MOSMO: variants seen among roughly 807,000 people sequenced by gnomAD.
The protein encoded by MOSMO is modulator of smoothened, also known as modulator of smoothened protein.
MOSMO carries 5 observed loss-of-function variants against 18.4 expected under a neutral mutation model. That is an observed-to-expected ratio of 0.27 (90% confidence interval 0.14 to 0.57). The LOEUF (loss-of-function observed/expected upper bound fraction) is 0.57. MOSMO is among the 20% of genes least tolerant of loss of function. The probability of loss-of-function intolerance (pLI) is 0.92; values close to 1 mark genes in which losing one functional copy is unlikely to be tolerated. For missense variants in MOSMO, 138 were observed against 211.8 expected, an observed-to-expected ratio of 0.65 and a Z score of 2.16; for synonymous variants, 82 against 82.3, an observed-to-expected ratio of 1.00 and a Z score of 0.02.
intron 1 of MOSMO, among the ~76,000 whole-genome samples, chr16:22,023,423 T>G (rs1475194606): frequency 6.6e-6 from 1 of 152,210 alleles, no homozygotes. Context: ...TATTGAAGAT[T>G]TAATTATCCT....
At chr16:22,030,605 C>T (rs1050152626) in intron 1 of MOSMO, among the ~76,000 whole-genome samples, 1 of 152,156 alleles carries the variant, frequency 6.6e-6, no homozygotes, top group African/African-American at 2.4e-5. Context: ...GGCGCAATCT[C>T]GGCTCACTGC....
rs748249457 is a variant in MOSMO at position 22,080,903 on chromosome 16, CTT to C, written c.*24_*25del. On this transcript the variant is annotated 3_prime_UTR_variant, in exon 3 of 3. Transcript: ENST00000542527. ...TGATGAATGTCTAAATTGCTTGACT[CTT>C]ATTATTTTTTATTTTATTTTATTTT... 2.5e-6 allele frequency: 3 copies of C among 1,178,162 alleles called. No individual in the cohort carries two copies. Among genetic ancestry groups the C allele is most frequent in the Non-Finnish European group, 3.3e-6 (3 of 910,622 alleles). The allele number at this position is 1,178,162 out of a possible 1,614,324, so 73.0% of individuals were successfully genotyped here.
At chr16:22,091,295 T>C (rs1901316313), downstream of MOSMO, among the ~76,000 whole-genome samples, 1 of 152,166 alleles carries the variant, frequency 6.6e-6, no homozygotes, top group African/African-American at 2.4e-5. Context: ...TTTGAGCACG[T>C]TGGTTGTTTC....
downstream of MOSMO, chr16:22,087,603 T>C (rs532174196): frequency 1.3e-5 from 2 of 152,344 alleles, no homozygotes; most frequent in South Asian, 4.1e-4. Context: ...CTTTCCATTT[T>C]CCATAATAAA....
At chr16:22,070,765 G>GA (rs1233233276) in intron 1 of MOSMO, among the ~76,000 whole-genome samples, 1 of 152,086 alleles carries the variant, frequency 6.6e-6, no homozygotes, top group Non-Finnish European at 1.5e-5. Context: ...GTTTCTAGAG[G>GA]AAAAAATTAG....
chr16:22,040,182 C>T (rs1900183650), intron 1 of MOSMO, among the ~76,000 whole-genome samples: 1 of 152,146 alleles, frequency 6.6e-6, no homozygotes. Flanking sequence ...AAACCAAATA[C>T]ATCATGTTCT....
At chr16:22,087,959 C>A (rs753855101), downstream of MOSMO, among the ~76,000 whole-genome samples, 4 of 151,978 alleles carry the variant, frequency 2.6e-5, no homozygotes, top group African/African-American at 4.8e-5. Context: ...CCATTGTTAA[C>A]AGTTTATTGG....
chr16:22,011,151 G>A (rs1423764076), intron 1 of MOSMO, among the ~76,000 whole-genome samples: 5 of 152,264 alleles, frequency 3.3e-5, no homozygotes, highest in Non-Finnish European at 5.9e-5. Flanking sequence ...GCACTGATGC[G>A]TCGTGGAAGT....
chr16:22,018,531 A>T (rs1438001634), intron 1 of MOSMO, among the ~76,000 whole-genome samples: 1 of 152,232 alleles, frequency 6.6e-6, no homozygotes, highest in Non-Finnish European at 1.5e-5. Flanking sequence ...AATATTTTAA[A>T]AATCTTCCCA....
intron 1 of MOSMO, among the ~76,000 whole-genome samples, chr16:22,036,925 G>A (rs1900120226): frequency 6.6e-6 from 1 of 152,174 alleles, no homozygotes; most frequent in African/African-American, 2.4e-5. Context: ...GTGGGCAGGT[G>A]AAACTCATAA....
At chr16:22,024,887 T>A (rs1899844626) in intron 1 of MOSMO, among the ~76,000 whole-genome samples, 1 of 152,118 alleles carries the variant, frequency 6.6e-6, no homozygotes, top group African/African-American at 2.4e-5. Context: ...ACGGTTCATG[T>A]GCCTGTAATC....
At chr16:22,035,396 A>ATTTTTT (rs1160059034) in intron 1 of MOSMO, among the ~76,000 whole-genome samples, 2 of 133,348 alleles carry the variant, frequency 1.5e-5, no homozygotes. Flanking sequence ...GCAGGAGGGG[A>ATTTTTT]TTTTTTTTTT....
chr16:22,047,331 G>A (rs960456029), intron 1 of MOSMO, among the ~76,000 whole-genome samples: 2 of 140,312 alleles, frequency 1.4e-5, no homozygotes, highest in East Asian at 2.3e-4. Flanking sequence ...TGCAAGCTCC[G>A]CCTCCCAGGT....
chr16:22,092,080 T>C (rs1207667300), downstream of MOSMO: 3 of 152,472 alleles, frequency 2.0e-5, no homozygotes, highest in Non-Finnish European at 2.9e-5. Context: ...AAGAGGTCAC[T>C]GAGCTTGGCT....
intron 1 of MOSMO, among the ~76,000 whole-genome samples, chr16:22,061,169 G>C: frequency 6.6e-6 from 1 of 152,230 alleles, no homozygotes; most frequent in East Asian, 1.9e-4. Context: ...AGGAGTCTGG[G>C]AACTTTTTAT....
intron 1 of MOSMO, among the ~76,000 whole-genome samples, chr16:22,041,306 C>T (rs1900205597): frequency 6.6e-6 from 1 of 152,020 alleles, no homozygotes; most frequent in South Asian, 2.1e-4. Flanking sequence ...AATACAGAAG[C>T]ATAGTTTAGA....
intron 1 of MOSMO, among the ~76,000 whole-genome samples, chr16:22,047,176 T>A (rs1223162676): frequency 6.6e-6 from 1 of 151,864 alleles, no homozygotes; most frequent in East Asian, 1.9e-4. Context: ...GTTAGAGATC[T>A]TTCCACGTCA....
In MOSMO at chr16:22,084,113, C is replaced by A. The variant is rs1029419524; in HGVS notation, c.*3233C>A. On this transcript the variant is annotated 3_prime_UTR_variant, in exon 3 of 3. Transcript: ENST00000542527. ...GTGAAATAATAAATAGTCCTGGTGA[C>A]AAACAATCTGTTGATTTAGAGGAAA... The A allele has an allele frequency of 6.2e-6, 1 of 161,632 alleles. No individual in the cohort carries two copies. The highest frequency in any genetic ancestry group is 1.3e-5 in the Non-Finnish European group (1 of 74,536). 10.0% of individuals were successfully genotyped at this position (161,632 alleles called of 1,614,324 possible). A position where few individuals can be genotyped will look rare whatever the true frequency, so the allele number is the denominator to read the frequency against.
At chr16:22,088,295 C>T (rs1901226326), downstream of MOSMO, among the ~76,000 whole-genome samples, 1 of 152,188 alleles carries the variant, frequency 6.6e-6, no homozygotes, top group South Asian at 2.1e-4. Flanking sequence ...TGGGAGCCAC[C>T]ATGCATGCCC....
Sources: allele counts gnomAD v4.1 joint callset (sites outside exome capture counted in the v4.1 genomes callset), GRCh38; gene constraint gnomAD v4.1.1; transcripts MANE v1.5; gene names NCBI Gene and HGNC (gene_info 2026-07-23, HGNC 2026-07-21).